Variants in MNDA observed in about 807,000 individuals in gnomAD.
MNDA encodes the protein epididymis secretory sperm binding protein.
Under a neutral mutation model 37.8 loss-of-function variants are expected in MNDA, and 43 were observed. The observed-to-expected ratio is 1.14, with a 90% confidence interval of 0.89 to 1.47. MNDA has a LOEUF of 1.47. Ranked by LOEUF, MNDA falls within the 40% of genes most tolerant of loss-of-function variation. The pLI is 0.00. For missense variants in MNDA, 536 were observed against 476.0 expected (o/e 1.13, Z -1.17); for synonymous variants, 181 against 169.0 (o/e 1.07, Z -0.55).
chr1:158,847,949 A>T, intron 6 of MNDA, 33 bp downstream of exon 6: 1 of 1,584,844 alleles, frequency 6.3e-7, no homozygotes, highest in Non-Finnish European at 8.6e-7. Context: ...TGAGTTTGCT[A>T]AAGAGGCAAA....
intron 1 of MNDA, among the ~76,000 whole-genome samples, chr1:158,837,316 C>A (rs886316817): frequency 1.3e-5 from 2 of 151,776 alleles, no homozygotes; most frequent in African/African-American, 4.8e-5. Flanking sequence ...ATTAAAGTCT[C>A]TTACTATTAC....
At chr1:158,842,909 G>T (rs530670798) in intron 2 of MNDA, among the ~76,000 whole-genome samples, 3 of 152,164 alleles carry the variant, frequency 2.0e-5, no homozygotes, top group African/African-American at 7.2e-5. Flanking sequence ...TCTGTCATTT[G>T]AACAGATATT....
intron 2 of MNDA, chr1:158,842,693 T>A (rs1317598648): frequency 1.8e-5 from 5 of 271,580 alleles, no homozygotes; most frequent in Non-Finnish European, 3.4e-5. Context: ...AAATCAAAAA[T>A]GTCAGAAAAT....
At chr1:158,847,284 C>T (rs567046946) in intron 5 of MNDA, among the ~76,000 whole-genome samples, 11 of 152,098 alleles carry the variant, frequency 7.2e-5, no homozygotes, top group Admixed American at 3.3e-4. Flanking sequence ...AACCCAAAAC[C>T]ATTTGTACCC....
chr1:158,841,588 G>A (rs931253290), intron 1 of MNDA, among the ~76,000 whole-genome samples: 3 of 152,164 alleles, frequency 2.0e-5, no homozygotes, highest in African/African-American at 4.8e-5. Flanking sequence ...AAGTGCTAAC[G>A]AGAGCTGATT....
intron 1 of MNDA, among the ~76,000 whole-genome samples, chr1:158,831,804 T>G (rs1244098691): frequency 1.3e-5 from 2 of 152,264 alleles, no homozygotes; most frequent in East Asian, 3.9e-4. Flanking sequence ...TTGGGTGTCT[T>G]TTGGCATAAA....
chr1:158,846,161 C>A (rs1659129565), intron 5 of MNDA, among the ~76,000 whole-genome samples, 158 bp downstream of exon 5: 1 of 152,100 alleles, frequency 6.6e-6, no homozygotes, highest in African/African-American at 2.4e-5. Context: ...GACTAAGTGA[C>A]CTATTAACTT....
rs755941332 is a variant in MNDA, at chr1:158,845,788, G to C, written c.772G>C (p.Glu258Gln). ...HVKVFDINLK[E>Q]KFVRKKVITI... ...GAAAGTCTTCGACATCAACTTGAAA[G>C]AGAAATTTGTAAGGAAGAAGGTCAT... The change falls in exon 5 of 7, where the codon GAG becomes CAG. Residue 258 changes from glutamate (E) to glutamine (Q), a missense_variant. Coordinates refer to ENST00000368141, the MANE Select transcript of MNDA (RefSeq NM_002432.3). 1 of 1,614,068 alleles carries C rather than the reference G, an allele frequency of 6.2e-7. No homozygotes were observed.
In MNDA at chr1:158,845,995, T is replaced by C; in HGVS notation, c.979T>C (p.Leu327=). 6.3e-7 allele frequency: 1 copy of C among 1,598,498 alleles called. No homozygotes were observed. ...SGTMVYGLFM[L]QKKSVHKKNT... Reference sequence around the variant, plus strand: ...AACAATGGTGTATGGGTTGTTTATGTTACAAAAGGTAAACCCTTAATTTTG... The same window carrying C: ...AACAATGGTGTATGGGTTGTTTATGCTACAAAAGGTAAACCCTTAATTTTG... The change falls in exon 5 of 7, where the codon TTA becomes CTA. Residue 327 remains leucine, a synonymous_variant. Coordinates refer to ENST00000368141, the MANE Select transcript of MNDA (RefSeq NM_002432.3).
chr1:158,838,684 T>G (rs1374294370), intron 1 of MNDA, among the ~76,000 whole-genome samples: 1 of 152,150 alleles, frequency 6.6e-6, no homozygotes, highest in Non-Finnish European at 1.5e-5. Context: ...TATTCCTTTC[T>G]CTTTTCCATC....
intron 1 of MNDA, among the ~76,000 whole-genome samples, chr1:158,832,340 T>C (rs1658820878): frequency 4.6e-5 from 7 of 151,926 alleles, no homozygotes; most frequent in Admixed American, 4.6e-4. Flanking sequence ...ATAAAGTTTC[T>C]TAAGTAAGCT....
chr1:158,842,713 A>G (rs1659055078), intron 2 of MNDA: 1 of 238,874 alleles, frequency 4.2e-6, no homozygotes, highest in South Asian at 1.4e-4. Flanking sequence ...TGAAAAAAAA[A>G]GCTACTTTAA....
intron 5 of MNDA, among the ~76,000 whole-genome samples, chr1:158,846,571 T>C (rs1473122921): frequency 5.3e-5 from 8 of 152,150 alleles, no homozygotes; most frequent in Non-Finnish European, 1.2e-4. Context: ...AACTGAGAAA[T>C]ATTGAATTCC....
intron 1 of MNDA, among the ~76,000 whole-genome samples, chr1:158,841,903 C>T (rs73015599): frequency 0.026 from 4,017 of 152,274 alleles, 183 homozygotes; most frequent in African/African-American, 0.089. Context: ...TCACCACATA[C>T]ACCTCTGTCC....
At chr1:158,844,752 T>C (rs1032423005) in intron 4 of MNDA, among the ~76,000 whole-genome samples, 3 of 151,902 alleles carry the variant, frequency 2.0e-5, no homozygotes, top group Non-Finnish European at 2.9e-5. Flanking sequence ...GAATTTCTAA[T>C]GAATGTTTGA....
rs539078156 is a variant in MNDA, at chr1:158,847,746, A to G, written c.1006A>G (p.Asn336Asp). ...TTTGCAGAAAAGCGTACACAAGAAG[A>G]ACACAATTTATGAAATACAGGATAA... is the stretch of plus-strand genomic sequence containing the variant. ...MLQKKSVHKKNTIYEIQDNTG... is the reference protein window; with the variant it reads ...MLQKKSVHKKDTIYEIQDNTG... The change falls in exon 6 of 7, where the codon AAC becomes GAC. Residue 336 changes from asparagine to aspartate, a missense_variant. Asn to Asp is a conservative substitution (Grantham distance 23). Transcript: ENST00000368141. The G allele has an allele frequency of 4.3e-6, 7 of 1,612,858 alleles. No individual in the cohort carries two copies. Among genetic ancestry groups the G allele is most frequent in the Non-Finnish European group, 5.9e-6 (7 of 1,179,432 alleles).
intron 1 of MNDA, among the ~76,000 whole-genome samples, chr1:158,833,928 T>C (rs1044891801): frequency 6.6e-6 from 1 of 152,178 alleles, no homozygotes; most frequent in Non-Finnish European, 1.5e-5. Flanking sequence ...AAGAATCATA[T>C]TTTTTTCATA....
At chr1:158,832,428 G>A (rs181220729) in intron 1 of MNDA, among the ~76,000 whole-genome samples, 1 of 151,680 alleles carries the variant, frequency 6.6e-6, no homozygotes, top group Non-Finnish European at 1.5e-5. Context: ...GAGAGATGTG[G>A]TGAAATCTCC....
At chr1:158,834,717 C>A (rs1658873726) in intron 1 of MNDA, among the ~76,000 whole-genome samples, 1 of 152,072 alleles carries the variant, frequency 6.6e-6, no homozygotes, top group Non-Finnish European at 1.5e-5. Flanking sequence ...TGTCATGGAG[C>A]CTTTCCCTTT....
Sources: allele counts gnomAD v4.1 joint callset (sites outside exome capture counted in the v4.1 genomes callset), GRCh38; gene constraint gnomAD v4.1.1; transcripts MANE v1.5; gene names NCBI Gene and HGNC (gene_info 2026-07-23, HGNC 2026-07-21).